Variants in CDKL4 observed in about 807,000 individuals in gnomAD.
CDKL4 encodes cyclin dependent kinase like 4, also known as cyclin-dependent kinase-like 4.
A neutral mutation model predicts 42.0 loss-of-function variants in CDKL4; 44 were observed. That is an observed-to-expected ratio of 1.05 (90% confidence interval 0.82 to 1.35). The LOEUF is 1.35. Among genes scored for constraint, CDKL4 ranks in the 40% most tolerant of loss-of-function variants. CDKL4 has a pLI of 0.00. For synonymous variants in CDKL4, 120 were observed against 121.6 expected (o/e 0.99, Z 0.09); for missense variants, 393 against 369.9 (o/e 1.06, Z -0.51).
intron 8 of CDKL4, among the ~76,000 whole-genome samples, chr2:39,180,959 C>A (rs2148281911): frequency 6.6e-6 from 1 of 152,268 alleles, no homozygotes; most frequent in Middle Eastern, 3.4e-3. Context: ...AGTGCTGGGA[C>A]TACAGGCGTG....
chr2:39,177,528 C>G (rs1285278348), intron 9 of CDKL4, among the ~76,000 whole-genome samples: 3 of 152,038 alleles, frequency 2.0e-5, no homozygotes, highest in African/African-American at 7.2e-5. Flanking sequence ...CCTCAGCCCC[C>G]CAAGTAGCTG....
At chr2:39,170,296 G>GAAAGA in the CDKL4 span, among the ~76,000 whole-genome samples, 3,514 of 135,404 alleles carry the variant, frequency 0.026, 68 homozygotes, top group African/African-American at 0.052. Flanking sequence ...AAAAAAAAAA[G>GAAAGA]AAAGAAAAGA....
chr2:39,178,689 G>A (rs766160209), intron 9 of CDKL4: 3 of 1,608,926 alleles, frequency 1.9e-6, no homozygotes, highest in Admixed American at 3.4e-5. Context: ...AGATGTCTGG[G>A]TTTCATTCCT....
At chr2:39,202,101 G>A (rs867052352) in intron 5 of CDKL4, among the ~76,000 whole-genome samples, 14 of 152,004 alleles carry the variant, frequency 9.2e-5, no homozygotes, top group African/African-American at 2.4e-4. Flanking sequence ...GTGTGGTGGC[G>A]GGTTCCTGAA....
chr2:39,187,435 T>C (rs1294454460), intron 7 of CDKL4, among the ~76,000 whole-genome samples, 192 bp downstream of exon 7: 1 of 141,792 alleles, frequency 7.1e-6, no homozygotes, highest in Non-Finnish European at 1.6e-5. Context: ...AATTCCAGCA[T>C]TGGGGAGGCT....
intron 2 of CDKL4, among the ~76,000 whole-genome samples, chr2:39,228,427 C>T (rs887129848): frequency 6.6e-6 from 1 of 152,126 alleles, no homozygotes; most frequent in Non-Finnish European, 1.5e-5. Context: ...TGAGAGAAAA[C>T]ATGATAATTA....
downstream of CDKL4, among the ~76,000 whole-genome samples, chr2:39,171,555 AT>A (rs936949302): frequency 6.6e-5 from 10 of 152,216 alleles, no homozygotes; most frequent in Non-Finnish European, 1.0e-4. Context: ...CAGGACTGAA[AT>A]AGAGATTAAA....
chr2:39,178,756 C>T (rs780414961), intron 9 of CDKL4: 142 of 1,600,978 alleles, frequency 8.9e-5, no homozygotes, highest in Non-Finnish European at 1.2e-4. Context: ...GACTTAGGTG[C>T]CTGCTGTGGG....
intron 4 of CDKL4, among the ~76,000 whole-genome samples, chr2:39,209,982 T>C (rs1677493009): frequency 6.6e-6 from 1 of 152,108 alleles, no homozygotes; most frequent in Admixed American, 6.6e-5. Flanking sequence ...GGAGGGAAGT[T>C]AGTCTGAAAA....
chr2:39,212,873 C>A (rs541506078), intron 4 of CDKL4, among the ~76,000 whole-genome samples: 1 of 151,750 alleles, frequency 6.6e-6, no homozygotes, highest in African/African-American at 2.4e-5. Flanking sequence ...GTTGCCCAGG[C>A]TGGTCTTGAA....
intron 1 of CDKL4, 32 bp from the exon 2 acceptor site, chr2:39,229,620 G>GT: frequency 9.5e-7 from 1 of 1,052,710 alleles, no homozygotes; most frequent in Non-Finnish European, 1.4e-6. Flanking sequence ...CCTTAATCAA[G>GT]CTATAAAAGA....
chr2:39,186,801 T>C (rs1675855358), intron 7 of CDKL4, among the ~76,000 whole-genome samples: 1 of 152,132 alleles, frequency 6.6e-6, no homozygotes, highest in African/African-American at 2.4e-5. Context: ...GAGAATATAA[T>C]TATTTAAGGG....
At chr2:39,201,439 T>G (rs1206506211) in intron 5 of CDKL4, among the ~76,000 whole-genome samples, 1 of 152,004 alleles carries the variant, frequency 6.6e-6, no homozygotes, top group Admixed American at 6.6e-5. Context: ...AAAGTAGATC[T>G]ACCATTTGAT....
chr2:39,188,364 C>T (rs1397967069), intron 6 of CDKL4, among the ~76,000 whole-genome samples: 3 of 151,798 alleles, frequency 2.0e-5, no homozygotes, highest in Non-Finnish European at 4.4e-5. Context: ...AAATCGAGAC[C>T]ATCCTGGCCA....
intron 1 of CDKL4, among the ~76,000 whole-genome samples, chr2:39,230,489 C>T (rs1679030299): frequency 6.6e-6 from 1 of 152,158 alleles, no homozygotes; most frequent in Non-Finnish European, 1.5e-5. Flanking sequence ...AATTCTTTCA[C>T]ATCTCTAGTG....
intron 6 of CDKL4, 102 bp downstream of exon 6, chr2:39,190,203 A>C: frequency 1.2e-6 from 1 of 841,276 alleles, no homozygotes; most frequent in Non-Finnish European, 1.7e-6. Context: ...AAGAAGCAAT[A>C]AAACTCTTGT....
Position 39,179,340 on chromosome 2 carries a change from G to A in CDKL4, c.793-19C>T, listed in dbSNP as rs1252833648. The A allele has an allele frequency of 6.4e-7, 1 of 1,566,384 alleles. No homozygotes were observed. The highest frequency in any genetic ancestry group is 8.6e-7 in the Non-Finnish European group (1 of 1,161,444). On this transcript the variant is annotated intron_variant, in intron 8 of 9. Coordinates refer to ENST00000451199, the Ensembl canonical transcript of CDKL4. ...GACACCCCTTTGGAGGAAGAGAATA[G>A]CAAAGAAGATGTTAAGGGAGGGGCT...
chr2:39,204,393 C>A, intron 5 of CDKL4, 134 bp downstream of exon 5: 1 of 657,496 alleles, frequency 1.5e-6, no homozygotes, highest in Non-Finnish European at 2.7e-6. Context: ...GACTAAAAGG[C>A]TAAAGTGAGA....
At chr2:39,246,886 T>TA (rs1442647180), upstream of CDKL4, among the ~76,000 whole-genome samples, 3 of 152,184 alleles carry the variant, frequency 2.0e-5, no homozygotes, top group Non-Finnish European at 4.4e-5. Flanking sequence ...TAGCTGGGAC[T>TA]ATAGGCATGT....
Sources: gnomAD v4.1 joint callset for allele counts (sites outside exome capture counted in the v4.1 genomes callset) on GRCh38, gnomAD v4.1.1 for gene constraint, MANE v1.5 for transcripts, NCBI Gene and HGNC (gene_info 2026-07-23, HGNC 2026-07-21) for gene names.